AKR1C8: variants seen among roughly 807,000 people sequenced by gnomAD.
AKR1C8 encodes aldo-keto reductase family 1 member C8.
chr10:5,115,961 G>A, the AKR1C8 span, among the ~76,000 whole-genome samples: 1 of 152,064 alleles, frequency 6.6e-6, no homozygotes, highest in East Asian at 1.9e-4. Flanking sequence ...TACCCAGTAT[G>A]CATACCTATG....
the AKR1C8 span, among the ~76,000 whole-genome samples, chr10:5,135,488 A>AATTTTTACTTACTAAATTTCTT: frequency 7.2e-5 from 11 of 151,892 alleles, no homozygotes; most frequent in Non-Finnish European, 1.5e-4. Flanking sequence ...TTTCTTACTA[A>AATTTTTACTTACTAAATTTCTT]AGTAAAATTT....
chr10:5,160,376 A>G, the AKR1C8 span, among the ~76,000 whole-genome samples: 1 of 149,656 alleles, frequency 6.7e-6, no homozygotes, highest in Non-Finnish European at 1.5e-5. Flanking sequence ...CTGTTCTAGA[A>G]TGGGAAAAAA....
chr10:5,133,892 A>G, the AKR1C8 span, among the ~76,000 whole-genome samples: 1 of 152,196 alleles, frequency 6.6e-6, no homozygotes, highest in Non-Finnish European at 1.5e-5. Flanking sequence ...ATGTAGATTT[A>G]TACATAAGAA....
the AKR1C8 span, among the ~76,000 whole-genome samples, chr10:5,172,758 C>T: frequency 1.3e-5 from 2 of 152,094 alleles, no homozygotes; most frequent in Admixed American, 6.6e-5. Context: ...AAAGGTTCCA[C>T]AGCCTTTTTT....
At chr10:5,158,728 A>G in the AKR1C8 span, 1 of 476,792 alleles carries the variant, frequency 2.1e-6, no homozygotes, top group Non-Finnish European at 4.4e-6. Flanking sequence ...TTTCAAGACC[A>G]AAAGGTGTCA....
the AKR1C8 span, among the ~76,000 whole-genome samples, chr10:5,127,605 G>A: frequency 4.6e-5 from 7 of 151,280 alleles, no homozygotes; most frequent in Non-Finnish European, 2.9e-5. Flanking sequence ...TGTAATCCCA[G>A]CTACTCAGGA....
the AKR1C8 span, among the ~76,000 whole-genome samples, chr10:5,168,846 C>G: frequency 4.6e-5 from 7 of 152,166 alleles, no homozygotes; most frequent in African/African-American, 1.7e-4. Flanking sequence ...AAAAAGAAAG[C>G]ACTTTCTGAT....
chr10:5,135,528 T>A, the AKR1C8 span, among the ~76,000 whole-genome samples: 2 of 152,210 alleles, frequency 1.3e-5, no homozygotes, highest in East Asian at 3.9e-4. Context: ...TCTATCTATC[T>A]ATCTGGCTAT....
the AKR1C8 span, among the ~76,000 whole-genome samples, chr10:5,177,754 A>G: frequency 2.6e-5 from 4 of 152,154 alleles, no homozygotes; most frequent in Non-Finnish European, 4.4e-5. Flanking sequence ...TAGATTTTCC[A>G]GTTTATTTGC....
At chr10:5,177,714 G>T in the AKR1C8 span, among the ~76,000 whole-genome samples, 5 of 152,164 alleles carry the variant, frequency 3.3e-5, no homozygotes, top group East Asian at 3.9e-4. Flanking sequence ...TTGGGAGGGT[G>T]TATGTGTCGA....
the AKR1C8 span, among the ~76,000 whole-genome samples, chr10:5,164,320 C>T: frequency 2.6e-5 from 4 of 152,172 alleles, no homozygotes; most frequent in African/African-American, 7.2e-5. Context: ...TTCAGGCCCC[C>T]TCTCTACTAT....
the AKR1C8 span, chr10:5,158,663 C>G: frequency 4.1e-6 from 2 of 490,274 alleles, no homozygotes; most frequent in South Asian, 1.5e-5. Flanking sequence ...CTTGGACTTG[C>G]AGAACTCCAG....
chr10:5,155,986 A>G, the AKR1C8 span, among the ~76,000 whole-genome samples: 3 of 152,158 alleles, frequency 2.0e-5, no homozygotes, highest in Non-Finnish European at 2.9e-5. Context: ...TCCACTTCTC[A>G]AAAGAAAGGT....
the AKR1C8 span, among the ~76,000 whole-genome samples, chr10:5,124,931 C>T: frequency 1.6e-4 from 24 of 151,570 alleles, no homozygotes; most frequent in Admixed American, 1.3e-3. Context: ...TGTTTAACCT[C>T]GATGACATAA....
chr10:5,169,603 T>G, the AKR1C8 span, among the ~76,000 whole-genome samples: 1 of 151,286 alleles, frequency 6.6e-6, no homozygotes, highest in Non-Finnish European at 1.5e-5. Flanking sequence ...TTTTTTTTAT[T>G]GTTAGTAACT....
chr10:5,139,100 G>A, the AKR1C8 span, among the ~76,000 whole-genome samples: 2 of 152,164 alleles, frequency 1.3e-5, no homozygotes, highest in Admixed American at 1.3e-4. Context: ...ACTTACAAGG[G>A]ATGTGAAGGA....
At chr10:5,121,721 G>C in the AKR1C8 span, among the ~76,000 whole-genome samples, 1 of 152,004 alleles carries the variant, frequency 6.6e-6, no homozygotes, top group African/African-American at 2.4e-5. Context: ...CCAGGTTTGA[G>C]TCATTATTAC....
the AKR1C8 span, among the ~76,000 whole-genome samples, chr10:5,146,563 G>A: frequency 6.6e-6 from 1 of 152,072 alleles, no homozygotes; most frequent in Non-Finnish European, 1.5e-5. Flanking sequence ...TTTTGCAGAT[G>A]CATAAACTAT....
At chr10:5,138,915 A>G in the AKR1C8 span, among the ~76,000 whole-genome samples, 2 of 152,158 alleles carry the variant, frequency 1.3e-5, no homozygotes, top group Admixed American at 6.6e-5. Flanking sequence ...AAACCCCAAC[A>G]TCTCAGCCCA....
Sources: allele counts gnomAD v4.1 joint callset (sites outside exome capture counted in the v4.1 genomes callset), GRCh38; gene constraint gnomAD v4.1.1; transcripts MANE v1.5; gene names NCBI Gene and HGNC (gene_info 2026-07-23, HGNC 2026-07-21).